RELN: variants seen among roughly 807,000 people sequenced by gnomAD.
The protein encoded by RELN is reelin.
A neutral mutation model predicts 427.6 loss-of-function variants in RELN; 108 were observed. That is an observed-to-expected ratio of 0.25 (90% CI 0.22 to 0.30). RELN has a LOEUF of 0.30. RELN is among the 10% of genes least tolerant of loss of function. RELN has a pLI of 1.00. For synonymous variants in RELN, 1,524 were observed against 1,513.4 expected, an observed-to-expected ratio of 1.01 and a Z score of -0.16; for missense variants, 3,715 against 4,302.8, an observed-to-expected ratio of 0.86 and a Z score of 3.82.
At chr7:103,702,705 A>G (rs1411512061) in intron 8 of RELN, among the ~76,000 whole-genome samples, 2 of 152,128 alleles carry the variant, frequency 1.3e-5, no homozygotes, top group Non-Finnish European at 2.9e-5. Flanking sequence ...TATCTAAAAC[A>G]TTAGTTTTTG....
Position 103,614,617 on chromosome 7 carries a change from T to G in RELN, c.2703-2814A>C, listed in dbSNP as rs147117685. On this transcript the variant is annotated intron_variant, in intron 20 of 64. Coordinates refer to ENST00000428762, the MANE Select transcript of RELN (RefSeq NM_005045.4). ...AGAGAGCCTGGGTCCCCAGTGTCCT[T>G]GTTAAGGTGCTCACAAGCCCAGGAC... is the stretch of plus-strand genomic sequence containing the variant. 2.6e-4 allele frequency among the ~76,000 whole-genome samples: 39 copies of G among 152,314 alleles called. 1 individual carries two copies. The East Asian group carries it at 7.3e-3, about 29-fold the overall frequency.
intron 44 of RELN, among the ~76,000 whole-genome samples, chr7:103,539,657 A>G (rs1584275940): frequency 6.6e-6 from 1 of 152,222 alleles, no homozygotes; most frequent in Admixed American, 6.5e-5. Context: ...TAAAATTTCT[A>G]TTTAAGGACA....
chr7:103,515,334 T>C lies in RELN; in HGVS notation c.7970A>G (p.Asn2657Ser), dbSNP rs777618928. The change falls in exon 50 of 65, where the codon AAT becomes AGT. Residue 2657 changes from asparagine (N) to serine (S), a missense_variant. Physicochemically the swap from Asn to Ser is conservative, Grantham distance 46. Transcript: ENST00000428762. ...GLDQNDWAID[N>S]VLISGSADQR... ...GTCAGCAGAGCCTGAGATGAGGACA[T>C]TGTCAATGGCCCAGTCGTTCTGATC... 3.7e-6 allele frequency: 6 copies of C among 1,614,068 alleles called. No homozygotes were observed. The highest frequency in any genetic ancestry group is 1.1e-5 in the South Asian group (1 of 91,050).
intron 1 of RELN, among the ~76,000 whole-genome samples, chr7:103,960,836 A>G (rs1796538134): frequency 6.6e-6 from 1 of 152,272 alleles, no homozygotes; most frequent in Admixed American, 6.5e-5. Flanking sequence ...TGCATCAACT[A>G]GAAATGGCAA....
At chr7:103,909,938 G>A (rs112726060) in intron 2 of RELN, among the ~76,000 whole-genome samples, 33,284 of 142,124 alleles carry the variant, frequency 0.23, 4,569 homozygotes, top group African/African-American at 0.38. Flanking sequence ...AAAATTTCCA[G>A]TTCTGTGCAG....
At chr7:103,508,202 G>A (rs759480161) in intron 51 of RELN, among the ~76,000 whole-genome samples, 2 of 152,156 alleles carry the variant, frequency 1.3e-5, no homozygotes, top group Non-Finnish European at 2.9e-5. Context: ...GCATCATCCT[G>A]CTACCAAAAC....
intron 2 of RELN, among the ~76,000 whole-genome samples, chr7:103,889,434 T>G (rs1200941256): frequency 6.6e-6 from 1 of 152,198 alleles, no homozygotes; most frequent in African/African-American, 2.4e-5. Context: ...CGAGTTAAAG[T>G]GCATAACTCA....
Position 103,611,599 on chromosome 7 carries a change from A to C in RELN, c.2895+12T>G, listed in dbSNP as rs368245637. ...GGTTACCTGTTACAAGGTTTAAGGA[A>C]ACTAGACTTACTTCTTGGACGAGGT... On this transcript the variant is annotated intron_variant, in intron 21 of 64. Transcript: ENST00000428762. 107 of 1,611,848 alleles carry C rather than the reference A, an allele frequency of 6.6e-5. No homozygotes were observed. Among genetic ancestry groups the C allele is most frequent in the Non-Finnish European group, 8.7e-5 (102 of 1,178,636 alleles).
chr7:103,889,683 A>C (rs1399287121), intron 2 of RELN, among the ~76,000 whole-genome samples: 2 of 152,174 alleles, frequency 1.3e-5, no homozygotes, highest in East Asian at 1.9e-4. Flanking sequence ...AGAGACACTG[A>C]AACTACAAAG....
At chr7:103,796,875 C>CAAAAAAAAAAAAAAAAAAAAAAA (rs1310087423) in intron 3 of RELN, among the ~76,000 whole-genome samples, 1 of 67,230 alleles carries the variant, frequency 1.5e-5, no homozygotes, top group African/African-American at 5.3e-5. Flanking sequence ...CTCCATCTCA[C>CAAAAAAAAAAAAAAAAAAAAAAA]AAAAAAAAAA....
intron 6 of RELN, among the ~76,000 whole-genome samples, chr7:103,736,947 C>T (rs635245): frequency 0.63 from 96,387 of 151,834 alleles, 31,520 homozygotes; most frequent in African/African-American, 0.81. Flanking sequence ...AGAGGAAACT[C>T]AGAGAAGAGT....
rs190977964 is a variant in RELN at position 103,978,302 on chromosome 7, T to C, written c.226+10829A>G. Among the ~76,000 whole-genome samples, 3 of 152,092 alleles carry C rather than the reference T, an allele frequency of 2.0e-5. No homozygotes were observed. In the East Asian group the frequency reaches 5.8e-4, roughly 29 times the overall value. On this transcript the variant is annotated intron_variant, in intron 1 of 64. Transcript: ENST00000428762. Reference sequence around the variant, plus strand: ...TTCAACTTTTTTCAGATTCCACATATAAGTGAAATCATGTGATATTTGTCT... The same window carrying C: ...TTCAACTTTTTTCAGATTCCACATACAAGTGAAATCATGTGATATTTGTCT...
chr7:103,979,691 G>A (rs1255680690), intron 1 of RELN, among the ~76,000 whole-genome samples: 1 of 152,180 alleles, frequency 6.6e-6, no homozygotes, highest in Admixed American at 6.5e-5. Flanking sequence ...CAGTTTCACA[G>A]GCTGTGCCTG....
At chr7:103,847,910 T>A (rs1256534902) in intron 2 of RELN, among the ~76,000 whole-genome samples, 1 of 152,200 alleles carries the variant, frequency 6.6e-6, no homozygotes, top group African/African-American at 2.4e-5. Flanking sequence ...AATATAGTTC[T>A]GGACAGGTAG....
intron 28 of RELN, among the ~76,000 whole-genome samples, chr7:103,581,307 TTTA>T (rs1033217508): frequency 2.0e-5 from 3 of 152,132 alleles, no homozygotes; most frequent in Non-Finnish European, 4.4e-5. Context: ...TTCCTTTTTG[TTTA>T]TTATTATTAT....
At chr7:103,942,409 G>A (rs764096401) in intron 1 of RELN, among the ~76,000 whole-genome samples, 3 of 152,054 alleles carry the variant, frequency 2.0e-5, no homozygotes, top group Non-Finnish European at 4.4e-5. Context: ...TCGGTGTCTG[G>A]CTTATTTACT....
chr7:103,588,288 T>C (rs1439207018), intron 28 of RELN, among the ~76,000 whole-genome samples: 1 of 152,156 alleles, frequency 6.6e-6, no homozygotes, highest in East Asian at 1.9e-4. Context: ...AAATATTGCA[T>C]ATTCTCAGTT....
intron 11 of RELN, among the ~76,000 whole-genome samples, chr7:103,671,971 C>T (rs1415610122): frequency 6.6e-6 from 1 of 152,132 alleles, no homozygotes; most frequent in Non-Finnish European, 1.5e-5. Flanking sequence ...CATAAAATCC[C>T]TCTATAGCCT....
chr7:103,956,029 T>C (rs1381881888), intron 1 of RELN, among the ~76,000 whole-genome samples: 3 of 152,230 alleles, frequency 2.0e-5, no homozygotes, highest in Non-Finnish European at 4.4e-5. Flanking sequence ...TGTAATTTTT[T>C]TGTAGCTCAA....
Sources: allele counts gnomAD v4.1 joint callset (sites outside exome capture counted in the v4.1 genomes callset), GRCh38; gene constraint gnomAD v4.1.1; transcripts MANE v1.5; gene names NCBI Gene and HGNC (gene_info 2026-07-23, HGNC 2026-07-21).